The following ARHGAP35 variants were observed in gnomAD, a reference collection of about 807,000 sequenced individuals.
The protein encoded by ARHGAP35 is rho GTPase-activating protein 35.
A neutral mutation model predicts 111.1 loss-of-function variants in ARHGAP35; 15 were observed. The observed-to-expected ratio is 0.13, with a 90% CI of 0.09 to 0.21. The LOEUF is 0.21. ARHGAP35 is among the 10% of genes least tolerant of loss of function. The pLI is 1.00. For synonymous variants in ARHGAP35, 643 were observed against 710.3 expected (o/e 0.91, Z 1.51); for missense variants, 1,262 against 1,873.0 (o/e 0.67, Z 6.02).
intron 5 of ARHGAP35, among the ~76,000 whole-genome samples, chr19:46,998,168 A>G (rs1433378207): frequency 6.6e-6 from 1 of 152,118 alleles, no homozygotes; most frequent in Non-Finnish European, 1.5e-5. Context: ...TCCCGGATTC[A>G]TCAGCAGAAT....
chr19:46,877,800 G>A (rs926273128), intron 1 of ARHGAP35, among the ~76,000 whole-genome samples: 1 of 151,436 alleles, frequency 6.6e-6, no homozygotes. Flanking sequence ...TCTGCCTCCC[G>A]GGTCCAGGCA....
In ARHGAP35 at chr19:46,909,079, C is replaced by T. The variant is rs149923518; in HGVS notation, c.-188-9409C>T. 7.9e-3 allele frequency among the ~76,000 whole-genome samples: 1,201 copies of T among 152,224 alleles called. 7 individuals carry two copies. Among genetic ancestry groups the T allele is most frequent in the African/African-American group, 0.027 (1,124 of 41,546 alleles). On this transcript the variant is annotated intron_variant, in intron 1 of 6. Transcript: ENST00000672722. ...CTTTGGGAGGGTGAGGTGGTAGGATCGCTTGAGCACAGAAGTTCAAGACCA... is the reference window on the plus strand; with the variant it reads ...CTTTGGGAGGGTGAGGTGGTAGGATTGCTTGAGCACAGAAGTTCAAGACCA...
Position 46,934,374 on chromosome 19 carries a change from C to A in ARHGAP35, c.3682-2890C>A, listed in dbSNP as rs115250471. On this transcript the variant is annotated intron_variant, in intron 2 of 6. Coordinates refer to ENST00000672722, the MANE Select transcript of ARHGAP35 (RefSeq NM_004491.5). ...CACTCAGCCCCTCTTCCCCACCCCG[C>A]CCCTCCTCCCGGAGACACAGTCTTG... Among the ~76,000 whole-genome samples, 469 of 152,286 alleles carry A rather than the reference C, an allele frequency of 3.1e-3. 2 individuals carry two copies. Among genetic ancestry groups the A allele is most frequent in the African/African-American group, 0.01 (425 of 41,568 alleles).
At chr19:46,865,944 G>A (rs1188516363) in intron 1 of ARHGAP35, among the ~76,000 whole-genome samples, 7 of 152,122 alleles carry the variant, frequency 4.6e-5, no homozygotes, top group Non-Finnish European at 8.8e-5. Flanking sequence ...GGGTTCAAGC[G>A]ATTCTTCTGT....
At chr19:46,996,142 C>T (rs541497214) in intron 5 of ARHGAP35, among the ~76,000 whole-genome samples, 1 of 152,286 alleles carries the variant, frequency 6.6e-6, no homozygotes, top group African/African-American at 2.4e-5. Flanking sequence ...CTTGCTCTGT[C>T]ACCCAGGCTG....
At chr19:46,923,434 T>G (rs1192406199) in intron 2 of ARHGAP35, among the ~76,000 whole-genome samples, 2 of 152,110 alleles carry the variant, frequency 1.3e-5, no homozygotes, top group East Asian at 3.9e-4. Flanking sequence ...TCTCTTATCC[T>G]GCGTAGAATT....
At chr19:46,955,270 T>C (rs2056433064) in intron 3 of ARHGAP35, among the ~76,000 whole-genome samples, 2 of 152,308 alleles carry the variant, frequency 1.3e-5, no homozygotes, top group South Asian at 4.2e-4. Flanking sequence ...TAGGTATTAA[T>C]GATAAGTTCG....
At chr19:46,887,677 C>G (rs1031438635) in intron 1 of ARHGAP35, among the ~76,000 whole-genome samples, 1 of 152,102 alleles carries the variant, frequency 6.6e-6, no homozygotes, top group African/African-American at 2.4e-5. Flanking sequence ...TGTGGAATGA[C>G]TAACTCTCCC....
Position 47,000,627 on chromosome 19 carries a change from C to G in ARHGAP35, c.4439C>G (p.Thr1480Ser), listed in dbSNP as rs779809648. ...QPSPPQSPPP[T>S]PQSPMQPLLP... ...TCGCCCCCACAGTCGCCTCCACCCA[C>G]CCCCCAGTCCCCAATGCAGCCACTG... Residue 1480 changes from threonine to serine, a missense_variant, in exon 7 of 7, where the codon ACC (threonine) becomes AGC (serine). This residue lies in a region of ARHGAP35 where 75 missense variants were observed against 87.0 expected (regional missense o/e 0.86). Coordinates refer to ENST00000672722, the MANE Select transcript of ARHGAP35 (RefSeq NM_004491.5). This position sits in a 1 kb window ranked among gnomAD's most constrained non-coding sequence, Gnocchi z 6.9. The G allele has an allele frequency of 1.9e-6, 3 of 1,608,020 alleles. No homozygotes were observed. Among genetic ancestry groups the G allele is most frequent in the Non-Finnish European group, 1.7e-6 (2 of 1,177,072 alleles).
chr19:46,910,833 C>T (rs2056133998), intron 1 of ARHGAP35, among the ~76,000 whole-genome samples: 1 of 152,062 alleles, frequency 6.6e-6, no homozygotes, highest in Admixed American at 6.6e-5. Context: ...TCAAGTGATC[C>T]ACCCACCTCA....
chr19:46,890,431 T>C (rs2056018151), intron 1 of ARHGAP35, among the ~76,000 whole-genome samples: 1 of 152,234 alleles, frequency 6.6e-6, no homozygotes, highest in Non-Finnish European at 1.5e-5. Context: ...GCAGTGGTCA[T>C]AGAGAGATGA....
intron 1 of ARHGAP35, among the ~76,000 whole-genome samples, chr19:46,863,307 G>A (rs1411871174): frequency 6.6e-6 from 1 of 152,150 alleles, no homozygotes; most frequent in African/African-American, 2.4e-5. Flanking sequence ...CTCTCCCCAG[G>A]GATCCTGAGA....
At chr19:46,864,074 C>A (rs2055843043) in intron 1 of ARHGAP35, among the ~76,000 whole-genome samples, 1 of 152,222 alleles carries the variant, frequency 6.6e-6, no homozygotes, top group Admixed American at 6.5e-5. Context: ...CTTTGCCTGC[C>A]GTACAAGGGG....
At chr19:46,925,765 G>A (rs1175047662) in intron 2 of ARHGAP35, among the ~76,000 whole-genome samples, 1 of 152,178 alleles carries the variant, frequency 6.6e-6, no homozygotes, top group African/African-American at 2.4e-5. Context: ...CTTTGGGCAT[G>A]TGAGTCACTT....
At chr19:46,998,886 G>A (rs755895586) in intron 5 of ARHGAP35, among the ~76,000 whole-genome samples, 12 of 152,226 alleles carry the variant, frequency 7.9e-5, no homozygotes, top group East Asian at 5.8e-4. Context: ...TCCCTCCCTC[G>A]AAGGCCTGTT....
intron 1 of ARHGAP35, among the ~76,000 whole-genome samples, chr19:46,872,418 T>A (rs994579217): frequency 6.6e-6 from 1 of 151,904 alleles, no homozygotes; most frequent in Non-Finnish European, 1.5e-5. Context: ...AAAAAAAGAT[T>A]AAACAAGTTT....
intron 3 of ARHGAP35, among the ~76,000 whole-genome samples, chr19:46,952,115 A>T (rs574264929): frequency 6.6e-6 from 1 of 152,332 alleles, no homozygotes; most frequent in Admixed American, 6.5e-5. Flanking sequence ...GAGGTGATGG[A>T]TATCCTAATC....
chr19:46,922,642 T>C lies in ARHGAP35; in HGVS notation c.3681+286T>C, dbSNP rs2056210326. Reference sequence around the variant, plus strand: ...CAGAACTTGTCAGTGTCTTGACAAGTGGCCAAGCGCAGTGACAATACACTT... The same window carrying C: ...CAGAACTTGTCAGTGTCTTGACAAGCGGCCAAGCGCAGTGACAATACACTT... On this transcript the variant is annotated intron_variant, in intron 2 of 6. Coordinates refer to ENST00000672722, the MANE Select transcript of ARHGAP35 (RefSeq NM_004491.5). The surrounding 1 kb of genome is among the most constrained non-coding windows in gnomAD (Gnocchi z 4.0). 1.3e-5 allele frequency among the ~76,000 whole-genome samples: 2 copies of C among 152,182 alleles called. No individual in the cohort carries two copies. The highest frequency in any genetic ancestry group is 4.8e-5 in the African/African-American group (2 of 41,444).
chr19:46,920,426 G>T lies in ARHGAP35; in HGVS notation c.1751G>T (p.Arg584Leu), dbSNP rs368789251. 2 of 1,613,518 alleles carry T rather than the reference G, an allele frequency of 1.2e-6. No homozygotes were observed. The highest frequency in any genetic ancestry group is 3.3e-5 in the Admixed American group (2 of 59,984). Reference protein sequence around the residue: ...ISSRFIRPSDRNQKNSLSDPN... With the variant: ...ISSRFIRPSDLNQKNSLSDPN... The stretch of plus-strand genomic sequence containing the variant: ...TCTCGGTTTATCCGGCCGTCTGACC[G>T]GAATCAGAAAAATTCACTCTCTGAC... Residue 584 changes from arginine (R) to leucine (L), a missense_variant, in exon 2 of 7, where the codon CGG (arginine) becomes CTG (leucine). By Grantham distance (102) the Arg-to-Leu change is moderately radical. Coordinates refer to ENST00000672722, the MANE Select transcript of ARHGAP35 (RefSeq NM_004491.5). This position sits in a 1 kb window ranked among gnomAD's most constrained non-coding sequence, Gnocchi z 7.0.
Sources: gnomAD v4.1 joint callset for allele counts (sites outside exome capture counted in the v4.1 genomes callset) on GRCh38, gnomAD v4.1.1 for gene constraint, gnomAD v4.1.1 regional missense constraint, Gnocchi (gnomAD v3.1) non-coding constraint, MANE v1.5 for transcripts, NCBI Gene and HGNC (gene_info 2026-07-23, HGNC 2026-07-21) for gene names.